The following TMEM44 variants were observed in gnomAD, a reference collection of about 807,000 sequenced individuals.
TMEM44 encodes the protein transmembrane protein 44.
Under a neutral mutation model 47.8 loss-of-function variants are expected in TMEM44, and 43 were observed. The ratio of observed to expected loss-of-function variants is 0.90; its 90% CI spans 0.70 to 1.16. The LOEUF is 1.16. Among genes scored for constraint, TMEM44 ranks in the 50% most tolerant of loss-of-function variants. TMEM44 has a pLI of 0.00. For missense variants in TMEM44, 568 were observed against 555.2 expected (o/e 1.02, Z -0.23); for synonymous variants, 277 against 238.8 (o/e 1.16, Z -1.48).
chr3:194,620,409 T>C (rs1485203621), intron 5 of TMEM44, among the ~76,000 whole-genome samples: 1 of 152,062 alleles, frequency 6.6e-6, no homozygotes. Flanking sequence ...CACACAGCCC[T>C]TCTGATTCCT....
chr3:194,610,779 G>T, intron 8 of TMEM44, 137 bp downstream of exon 8: 1 of 739,728 alleles, frequency 1.4e-6, no homozygotes, highest in Non-Finnish European at 2.3e-6. Flanking sequence ...TGCAGCCTTG[G>T]ACAGCTCCTT....
intron 9 of TMEM44, among the ~76,000 whole-genome samples, chr3:194,598,863 A>G (rs11926084): frequency 0.056 from 8,444 of 152,120 alleles, 753 homozygotes; most frequent in African/African-American, 0.19. Context: ...GTCACCTTAA[A>G]GACACAGAGT....
intron 1 of TMEM44, among the ~76,000 whole-genome samples, chr3:194,632,745 G>A (rs1290321789): frequency 2.0e-5 from 3 of 152,150 alleles, no homozygotes; most frequent in Non-Finnish European, 4.4e-5. Flanking sequence ...TCCGGTCATA[G>A]GAGGCCCAGA....
At chr3:194,626,071 A>G (rs1324809225) in intron 2 of TMEM44, 81 bp from the exon 3 acceptor site, 7 of 1,111,922 alleles carry the variant, frequency 6.3e-6, no homozygotes, top group Non-Finnish European at 8.2e-6. Flanking sequence ...GGGACCCTGT[A>G]TCACATGGGT....
chr3:194,624,432 T>G (rs1716917294), intron 3 of TMEM44, among the ~76,000 whole-genome samples: 1 of 152,126 alleles, frequency 6.6e-6, no homozygotes, highest in South Asian at 2.1e-4. Flanking sequence ...ATTCATTTAT[T>G]ATTTTTGAGA....
At chr3:194,631,328 G>A (rs1717807417) in intron 1 of TMEM44, among the ~76,000 whole-genome samples, 1 of 152,058 alleles carries the variant, frequency 6.6e-6, no homozygotes, top group Non-Finnish European at 1.5e-5. Flanking sequence ...AGACAGGGTG[G>A]CAGCGCTGGC....
intron 1 of TMEM44, among the ~76,000 whole-genome samples, chr3:194,630,755 G>A (rs368681579): frequency 7.5e-4 from 99 of 132,752 alleles, no homozygotes; most frequent in East Asian, 2.3e-3. Context: ...TGTTTCCGTC[G>A]GCGTCACTGA....
Position 194,633,178 on chromosome 3 carries a change from T to C in TMEM44, c.38A>G (p.Asp13Gly), listed in dbSNP as rs998707142. ...EAPSPAPALWDWDYLDRCFAR... is the reference protein window; with the variant it reads ...EAPSPAPALWGWDYLDRCFAR... Reference sequence around the variant, plus strand: ...GAAGCAGCGGTCCAGGTAGTCCCAGTCCCAGAGCGCGGGCGCGGGGCTGGG... The same window carrying C: ...GAAGCAGCGGTCCAGGTAGTCCCAGCCCCAGAGCGCGGGCGCGGGGCTGGG... The change falls in exon 1 of 10, where the codon GAC (aspartate) becomes GGC (glycine). Residue 13 changes from aspartate to glycine, a missense_variant. Transcript: ENST00000347147. 3.3e-6 allele frequency: 5 copies of C among 1,535,022 alleles called. No homozygotes were observed. The highest frequency in any genetic ancestry group is 4.4e-6 in the Non-Finnish European group (5 of 1,140,578).
chr3:194,628,294 G>A, intron 2 of TMEM44, 89 bp downstream of exon 2: 1 of 1,499,008 alleles, frequency 6.7e-7, no homozygotes, highest in South Asian at 1.3e-5. Flanking sequence ...GCAGCAACAA[G>A]ACAAAAGCCA....
At chr3:194,592,228 A>G (rs28445411) in intron 9 of TMEM44, among the ~76,000 whole-genome samples, 1 of 104,838 alleles carries the variant, frequency 9.5e-6, no homozygotes, top group Non-Finnish European at 2.6e-5. Flanking sequence ...CCGTCTCAAA[A>G]AAAAAAAAAA....
chr3:194,614,685 G>A (rs1715691169), intron 7 of TMEM44, among the ~76,000 whole-genome samples: 1 of 152,088 alleles, frequency 6.6e-6, no homozygotes, highest in Admixed American at 6.6e-5. Flanking sequence ...GGGATTACAG[G>A]CATGAGCCAC....
intron 8 of TMEM44, among the ~76,000 whole-genome samples, chr3:194,608,326 G>A (rs555232370): frequency 7.0e-4 from 106 of 152,296 alleles, no homozygotes; most frequent in Non-Finnish European, 1.3e-3. Flanking sequence ...GAGTCTCTCC[G>A]GGCACCGGTG....
chr3:194,598,879 CCAGGCCCA>C (rs201937668), intron 9 of TMEM44, among the ~76,000 whole-genome samples: 3,078 of 152,246 alleles, frequency 0.02, 92 homozygotes, highest in African/African-American at 0.07. Flanking sequence ...AGAGTGGCTC[CCAGGCCCA>C]CAGGCCCCGA....
intron 9 of TMEM44, among the ~76,000 whole-genome samples, chr3:194,596,227 G>A (rs1435137998): frequency 6.6e-6 from 1 of 152,116 alleles, no homozygotes; most frequent in African/African-American, 2.4e-5. Context: ...AAATCCTGCT[G>A]TATTCCCTGC....
At chr3:194,623,056 C>T in intron 5 of TMEM44, 168 bp downstream of exon 5, 1 of 624,370 alleles carries the variant, frequency 1.6e-6, no homozygotes, top group Non-Finnish European at 2.6e-6. Context: ...TCTCCACACA[C>T]ACCCCCTCCT....
chr3:194,593,047 C>G, intron 9 of TMEM44: 1 of 1,613,780 alleles, frequency 6.2e-7, no homozygotes, highest in Non-Finnish European at 8.5e-7. Context: ...ATACCTGCTC[C>G]GAGTTTAGGG....
intron 2 of TMEM44, among the ~76,000 whole-genome samples, chr3:194,626,681 G>GTTTTT (rs61419904): frequency 2.3e-5 from 3 of 133,134 alleles, no homozygotes; most frequent in African/African-American, 2.8e-5. Context: ...ATGTAGTTAA[G>GTTTTT]TTTTTTTTTT....
At chr3:194,599,908 C>T (rs1232800080) in intron 9 of TMEM44, among the ~76,000 whole-genome samples, 3 of 151,436 alleles carry the variant, frequency 2.0e-5, no homozygotes, top group African/African-American at 2.4e-5. Flanking sequence ...TACAGGCATG[C>T]GCCACCATAC....
intron 1 of TMEM44, among the ~76,000 whole-genome samples, chr3:194,629,472 G>A (rs1259397986): frequency 6.6e-6 from 1 of 152,264 alleles, no homozygotes; most frequent in Non-Finnish European, 1.5e-5. Flanking sequence ...GTTTCTATCA[G>A]CGTCACTGAT....
Sources: gnomAD v4.1 joint callset for allele counts (sites outside exome capture counted in the v4.1 genomes callset) on GRCh38, gnomAD v4.1.1 for gene constraint, MANE v1.5 for transcripts, NCBI Gene and HGNC (gene_info 2026-07-23, HGNC 2026-07-21) for gene names.